The following ABCB1 variants were observed in gnomAD, a reference collection of about 807,000 sequenced individuals.
ABCB1 encodes ATP binding cassette subfamily B member 1.
ABCB1 carries 69 observed loss-of-function variants against 142.0 expected under a neutral mutation model. The ratio of observed to expected loss-of-function variants is 0.49; its 90% CI spans 0.40 to 0.59. The LOEUF (loss-of-function observed/expected upper bound fraction) is 0.59, where lower values mean the gene tolerates loss of function less well. Ranked by LOEUF, ABCB1 falls within the 20% of genes least tolerant of loss-of-function variation. The pLI, the probability that ABCB1 is intolerant of heterozygous loss-of-function variation, is 0.00. For synonymous variants in ABCB1, 532 were observed against 539.2 expected (o/e 0.99, Z 0.18); for missense variants, 1,326 against 1,554.7 (o/e 0.85, Z 2.47).
rs1966313 is a variant in ABCB1 at position 87,626,294 on chromosome 7, G to T, written c.-330-25216C>A. ...TGTGTCATATATATGTGTCATATAT[G>T]TGTCATATATATGTGTCGTATATGT... On this transcript the variant is annotated intron_variant, in intron 1 of 28. Coordinates refer to the ABCB1 transcript ENST00000265724. 2.8e-4 allele frequency among the ~76,000 whole-genome samples: 11 copies of T among 38,912 alleles called. 4 individuals are homozygous for T. The highest frequency in any genetic ancestry group is 3.3e-4 in the Non-Finnish European group (8 of 24,580). The allele number at this position is 38,912 out of a possible 152,430, so 25.5% of individuals were successfully genotyped here.
intron 4 of ABCB1, among the ~76,000 whole-genome samples, chr7:87,575,030 C>A (rs1818216256): frequency 6.6e-6 from 1 of 152,154 alleles, no homozygotes; most frequent in South Asian, 2.1e-4. Flanking sequence ...AACCATTCTC[C>A]TACTTTGTAT....
intron 4 of ABCB1, among the ~76,000 whole-genome samples, chr7:87,582,760 T>C (rs1270197899): frequency 6.6e-6 from 1 of 152,226 alleles, no homozygotes. Context: ...TTACAGGTAC[T>C]GAAATTTAAA....
intron 20 of ABCB1, among the ~76,000 whole-genome samples, chr7:87,532,609 C>G (rs755293204): frequency 2.0e-5 from 3 of 152,112 alleles, no homozygotes; most frequent in South Asian, 2.1e-4. Context: ...GGGAGGAACC[C>G]TCAGTTCTGA....
chr7:87,534,231 T>C (rs1816182524), intron 20 of ABCB1, among the ~76,000 whole-genome samples: 1 of 152,206 alleles, frequency 6.6e-6, no homozygotes, highest in African/African-American at 2.4e-5. Context: ...TCCAGGATTG[T>C]GTCTTCCACG....
chr7:87,520,646 T>C, intron 22 of ABCB1, 130 bp downstream of exon 22: 1 of 789,692 alleles, frequency 1.3e-6, no homozygotes, highest in South Asian at 1.4e-5. Context: ...TACAACTGTT[T>C]CTCAATGGTT....
chr7:87,531,645 G>A, intron 20 of ABCB1, 148 bp from the exon 21 acceptor site: 1 of 709,752 alleles, frequency 1.4e-6, no homozygotes, highest in Non-Finnish European at 2.3e-6. Context: ...TAAGTTTATT[G>A]AGTTTCTACA....
chr7:87,581,369 G>A (rs1237076802), intron 4 of ABCB1, among the ~76,000 whole-genome samples: 2 of 151,870 alleles, frequency 1.3e-5, no homozygotes, highest in East Asian at 1.9e-4. Context: ...AACCACAATC[G>A]CCTTTATCTA....
At chr7:87,569,281 C>T (rs984261243) in intron 5 of ABCB1, among the ~76,000 whole-genome samples, 3 of 146,774 alleles carry the variant, frequency 2.0e-5, no homozygotes, top group African/African-American at 7.6e-5. Context: ...CGCAGTGAGC[C>T]GAGATCGCAC....
At position 87,703,885 on chromosome 7, in the gene ABCB1, CTT is replaced by C; in HGVS notation, c.-331+9274_-331+9275del. Reference sequence around the variant, plus strand: ...CTTAGGTGAGCTTTATCAGTTTTTTCTTTTTTTTTTTTTTTTTTTTTTTTTTT... The same window carrying C: ...CTTAGGTGAGCTTTATCAGTTTTTTCTTTTTTTTTTTTTTTTTTTTTTTTT... On this transcript the variant is annotated intron_variant, in intron 1 of 28. Transcript: ENST00000265724. Among the ~76,000 whole-genome samples the C allele has an allele frequency of 5.0e-3, 303 of 60,282 alleles. 2 individuals are homozygous for C. Among genetic ancestry groups the C allele is most frequent in the Middle Eastern group, 0.03 (2 of 66 alleles). The allele number at this position is 60,282 out of a possible 152,430, so 39.5% of individuals were successfully genotyped here.
At chr7:87,594,883 C>A (rs1819132936) in intron 3 of ABCB1, among the ~76,000 whole-genome samples, 1 of 152,090 alleles carries the variant, frequency 6.6e-6, no homozygotes, top group Admixed American at 6.5e-5. Flanking sequence ...CACTCCCTTA[C>A]CTTAAAAAAA....
At chr7:87,512,181 A>T (rs1002204) in intron 25 of ABCB1, among the ~76,000 whole-genome samples, 2 of 150,416 alleles carry the variant, frequency 1.3e-5, no homozygotes, top group Non-Finnish European at 3.0e-5. Flanking sequence ...ATTTTGCATT[A>T]AAAAAAAAAT....
chr7:87,700,445 A>C, intron 1 of ABCB1: 3 of 1,612,136 alleles, frequency 1.9e-6, no homozygotes, highest in Non-Finnish European at 2.5e-6. Context: ...TTTGGTTATG[A>C]AAGTCCTCGT....
intron 4 of ABCB1, among the ~76,000 whole-genome samples, chr7:87,581,337 G>A (rs187977694): frequency 2.0e-4 from 31 of 151,862 alleles, no homozygotes; most frequent in South Asian, 6.2e-4. Flanking sequence ...CCCACCTGCC[G>A]TCTTCACCAC....
intron 17 of ABCB1, 116 bp from the exon 18 acceptor site, chr7:87,541,580 A>C (rs1816539477): frequency 6.5e-6 from 5 of 772,966 alleles, no homozygotes; most frequent in South Asian, 5.7e-5. Flanking sequence ...AGTACGCTGG[A>C]AATTGGGGTT....
intron 1 of ABCB1, among the ~76,000 whole-genome samples, chr7:87,689,302 C>T (rs2130635885): frequency 6.6e-6 from 1 of 151,998 alleles, no homozygotes; most frequent in African/African-American, 2.4e-5. Context: ...GTTCATTTAT[C>T]TGTTTATAGC....
chr7:87,644,474 T>C (rs959744887), intron 1 of ABCB1, among the ~76,000 whole-genome samples: 2 of 152,218 alleles, frequency 1.3e-5, no homozygotes, highest in Non-Finnish European at 2.9e-5. Flanking sequence ...CTGTCTCATA[T>C]TTTGGATACT....
chr7:87,550,361 G>T, intron 11 of ABCB1, 65 bp from the exon 12 acceptor site: 1 of 1,611,362 alleles, frequency 6.2e-7, no homozygotes, highest in Non-Finnish European at 8.5e-7. Context: ...GGAACTGACT[G>T]TTCACTAGGT....
chr7:87,686,531 A>T (rs1215560962), intron 1 of ABCB1, among the ~76,000 whole-genome samples: 1 of 152,202 alleles, frequency 6.6e-6, no homozygotes, highest in African/African-American at 2.4e-5. Flanking sequence ...ATTAAGAAAA[A>T]TAGAAATTTA....
chr7:87,562,662 C>G (rs1255904910), intron 7 of ABCB1, among the ~76,000 whole-genome samples: 1 of 151,772 alleles, frequency 6.6e-6, no homozygotes, highest in Non-Finnish European at 1.5e-5. Flanking sequence ...ACAAATCTAG[C>G]TCCCTTTTCC....
Sources: gnomAD v4.1 joint callset for allele counts (sites outside exome capture counted in the v4.1 genomes callset) on GRCh38, gnomAD v4.1.1 for gene constraint, MANE v1.5 for transcripts, NCBI Gene and HGNC (gene_info 2026-07-23, HGNC 2026-07-21) for gene names.